The following SLC6A20 variants were observed in gnomAD, a reference collection of about 807,000 sequenced individuals.
SLC6A20 encodes solute carrier family 6 member 20.
Under a neutral mutation model 64.3 loss-of-function variants are expected in SLC6A20, and 73 were observed. That is an observed-to-expected ratio of 1.14 (90% CI 0.94 to 1.38). The LOEUF (loss-of-function observed/expected upper bound fraction) is 1.38, where lower values mean the gene tolerates loss of function less well. Ranked by LOEUF, SLC6A20 falls within the 40% of genes most tolerant of loss-of-function variation. The probability of loss-of-function intolerance (pLI) is 0.00; values close to 1 mark genes in which losing one functional copy is unlikely to be tolerated. For missense variants in SLC6A20, 725 were observed against 772.8 expected, an observed-to-expected ratio of 0.94 and a Z score of 0.73; for synonymous variants, 347 against 329.6, an observed-to-expected ratio of 1.05 and a Z score of -0.57.
intron 7 of SLC6A20, among the ~76,000 whole-genome samples, chr3:45,769,095 T>G (rs1559564135): frequency 6.6e-6 from 1 of 152,190 alleles, no homozygotes; most frequent in Non-Finnish European, 1.5e-5. Context: ...TATTTAGCTT[T>G]CTTTTGCAAC....
rs962075813 is a variant in SLC6A20 at position 45,780,036 on chromosome 3, G to C, written c.327C>G (p.Ala109=). ...SMYYNVINAW[A]FWYLFHSFQD... is the part of the protein sequence containing the mutation. ...GGAAGGAGTGGAAGAGGTACCAGAAGGCCCAGGCGTTGATGACGTTGTAGT... is the reference window on the plus strand; with the variant it reads ...GGAAGGAGTGGAAGAGGTACCAGAACGCCCAGGCGTTGATGACGTTGTAGT... Residue 109 remains alanine, a synonymous_variant, in exon 3 of 11, where the codon GCC becomes GCG. Transcript: ENST00000358525. 1.9e-6 allele frequency: 3 copies of C among 1,605,038 alleles called. No homozygotes were observed. The African/African-American group carries it at 4.0e-5, about 21-fold the overall frequency.
chr3:45,766,600 G>A (rs1699781082), intron 7 of SLC6A20, among the ~76,000 whole-genome samples: 1 of 152,216 alleles, frequency 6.6e-6, no homozygotes, highest in Admixed American at 6.5e-5. Flanking sequence ...CTCCCAATGT[G>A]ACTGTATCTG....
intron 1 of SLC6A20, among the ~76,000 whole-genome samples, chr3:45,785,646 TTCC>T (rs1700158854): frequency 6.9e-6 from 1 of 144,302 alleles, no homozygotes; most frequent in African/African-American, 2.6e-5. Flanking sequence ...TCTCTCTCTC[TTCC>T]CCCTATTAGT....
intron 4 of SLC6A20, among the ~76,000 whole-genome samples, chr3:45,775,024 G>A (rs1278248764): frequency 6.6e-6 from 1 of 152,154 alleles, no homozygotes; most frequent in Non-Finnish European, 1.5e-5. Flanking sequence ...GCTAGGCTCC[G>A]AGACATCTGC....
chr3:45,795,706 G>A (rs1700334834), intron 1 of SLC6A20, among the ~76,000 whole-genome samples: 1 of 152,174 alleles, frequency 6.6e-6, no homozygotes, highest in Non-Finnish European at 1.5e-5. Flanking sequence ...TCCCCGGAGC[G>A]TGCATGATGC....
At chr3:45,787,304 C>A (rs1700185743) in intron 1 of SLC6A20, among the ~76,000 whole-genome samples, 1 of 152,146 alleles carries the variant, frequency 6.6e-6, no homozygotes. Flanking sequence ...AGGATGCTTT[C>A]TCTCTTCTTT....
chr3:45,765,715 G>A lies in SLC6A20; in HGVS notation c.1125C>T (p.Phe375=), dbSNP rs1324893975. 2.5e-6 allele frequency: 4 copies of A among 1,614,100 alleles called. No homozygotes were observed. The highest frequency in any genetic ancestry group is 1.3e-5 in the African/African-American group (1 of 74,934). Residue 375 remains phenylalanine (F), a synonymous_variant, in exon 8 of 11, where the codon TTC becomes TTT. Transcript: ENST00000358525. This position sits in a 1 kb window ranked among gnomAD's most constrained non-coding sequence, Gnocchi z 4.2. ...TTTTAATGGCCTCTGTGTAGACGAT[G>A]AATGCCAGGCCAGTGCCCTGGACGG... ...DTAVQGTGLA[F]IVYTEAIKNM...
At chr3:45,772,217 G>A (rs1056952823) in intron 5 of SLC6A20, 18 of 360,956 alleles carry the variant, frequency 5.0e-5, no homozygotes, top group Non-Finnish European at 9.1e-5. Context: ...GGGGCTTGAG[G>A]TGAGGCAGTG....
At chr3:45,761,231 C>G (rs368274349) in intron 9 of SLC6A20, among the ~76,000 whole-genome samples, 9 of 151,766 alleles carry the variant, frequency 5.9e-5, no homozygotes, top group South Asian at 2.1e-4. Context: ...TAACCCCCCC[C>G]CCTTTCCTGG....
chr3:45,783,700 C>T (rs1167463657), intron 1 of SLC6A20, among the ~76,000 whole-genome samples: 3 of 152,246 alleles, frequency 2.0e-5, no homozygotes, highest in Non-Finnish European at 4.4e-5. Flanking sequence ...ATGGCCACAC[C>T]ACAGAAAGAA....
At position 45,761,223 on chromosome 3, in the gene SLC6A20, A is replaced by ACC. The variant is rs532687890; in HGVS notation, c.1464-1203_1464-1202dup. On this transcript the variant is annotated intron_variant, in intron 9 of 10. Coordinates refer to ENST00000358525, the MANE Select transcript of SLC6A20 (RefSeq NM_020208.4). ...CCTCTTGTCCCTTCACACCCCCATA[A>ACC]CCCCCCCCCCTTTCCTGGATGGAGA... Among the ~76,000 whole-genome samples, 559 of 138,398 alleles carry ACC rather than the reference A, an allele frequency of 4.0e-3. 2 individuals are homozygous for ACC. The highest frequency in any genetic ancestry group is 0.012 in the African/African-American group (444 of 36,438). 90.8% of individuals were successfully genotyped at this position (138,398 alleles called of 152,430 possible).
chr3:45,764,179 T>A (rs1002490877), intron 8 of SLC6A20, among the ~76,000 whole-genome samples: 1 of 152,080 alleles, frequency 6.6e-6, no homozygotes, highest in Non-Finnish European at 1.5e-5. Flanking sequence ...AGTGAAACCA[T>A]GAGAGATGTA....
At chr3:45,763,259 G>C (rs1699717524) in intron 8 of SLC6A20, among the ~76,000 whole-genome samples, 187 bp from the exon 9 acceptor site, 1 of 151,992 alleles carries the variant, frequency 6.6e-6, no homozygotes, top group Admixed American at 6.6e-5. Flanking sequence ...GGGGCAGGGG[G>C]CACAATGGTG....
intron 1 of SLC6A20, among the ~76,000 whole-genome samples, chr3:45,787,803 C>T (rs1349051359): frequency 1.3e-5 from 2 of 152,176 alleles, no homozygotes; most frequent in African/African-American, 4.8e-5. Context: ...TCTCTAGCTC[C>T]TAAGGAAGGA....
At chr3:45,761,226 C>T (rs565582081) in intron 9 of SLC6A20, among the ~76,000 whole-genome samples, 4 of 151,722 alleles carry the variant, frequency 2.6e-5, no homozygotes, top group Admixed American at 1.3e-4. Context: ...CCCCATAACC[C>T]CCCCCCCTTT....
Position 45,758,491 on chromosome 3 carries a change from T to C in SLC6A20, c.*487A>G, listed in dbSNP as rs369269353. On this transcript the variant is annotated 3_prime_UTR_variant, in exon 11 of 11. Coordinates refer to ENST00000358525, the MANE Select transcript of SLC6A20 (RefSeq NM_020208.4). Reference sequence around the variant, plus strand: ...GTGGAAGGGGAACACAGAAATTGCATATTCACTACAACTCAAAAAAGAAGA... The same window carrying C: ...GTGGAAGGGGAACACAGAAATTGCACATTCACTACAACTCAAAAAAGAAGA... The C allele has an allele frequency of 1.6e-6, 2 of 1,226,010 alleles. No individual in the cohort carries two copies. The highest frequency in any genetic ancestry group is 6.4e-5 in the East Asian group (1 of 15,608). The allele number at this position is 1,226,010 out of a possible 1,614,324, so 75.9% of individuals were successfully genotyped here.
chr3:45,796,442 G>A lies in SLC6A20; in HGVS notation c.-23C>T. 1 of 1,603,702 alleles carries A rather than the reference G, an allele frequency of 6.2e-7. No individual in the cohort carries two copies. The highest frequency in any genetic ancestry group is 8.5e-7 in the Non-Finnish European group (1 of 1,175,414). ...CATGGCCCCGGCCTCGGCGCGCTCG[G>A]CTCCGGCTCGGGGGTCCGGCACGGC... On this transcript the variant is annotated 5_prime_UTR_variant, in exon 1 of 11. Transcript: ENST00000358525.
chr3:45,775,971 A>C lies in SLC6A20; in HGVS notation c.372T>G (p.Ser124=). Residue 124 remains serine (S), a synonymous_variant, in exon 4 of 11, where the codon TCT becomes TCG. Transcript: ENST00000358525. ...TGTGGTTACCATTCAGTGGGCAGACAGACCACGGCAGGGGATCCTGTGGGA... is the reference window on the plus strand; with the variant it reads ...TGTGGTTACCATTCAGTGGGCAGACCGACCACGGCAGGGGATCCTGTGGGA... The part of the protein sequence containing the change: ...FHSFQDPLPW[S]VCPLNGNHTG... 1 of 1,614,202 alleles carries C rather than the reference A, an allele frequency of 6.2e-7. No individual in the cohort carries two copies. The highest frequency in any genetic ancestry group is 8.5e-7 in the Non-Finnish European group (1 of 1,180,018).
In SLC6A20 at chr3:45,757,292, A is replaced by C. The variant is rs1699562805; in HGVS notation, c.*1686T>G. ...CCTCCCTCCTTCACTATTCCTCCTC[A>C]GCACCGACCCTTTACAGGTGTCGGG... On this transcript the variant is annotated 3_prime_UTR_variant, in exon 11 of 11. Coordinates refer to ENST00000358525, the MANE Select transcript of SLC6A20 (RefSeq NM_020208.4). 1 of 151,532 alleles carries C rather than the reference A, an allele frequency of 6.6e-6. No individual in the cohort carries two copies. The highest frequency in any genetic ancestry group is 1.5e-5 in the Non-Finnish European group (1 of 68,014). 9.4% of individuals were successfully genotyped at this position (151,532 alleles called of 1,614,324 possible). A position where few individuals can be genotyped will look rare whatever the true frequency, so the allele number is the denominator to read the frequency against.
Sources: gnomAD v4.1 joint callset for allele counts (sites outside exome capture counted in the v4.1 genomes callset) on GRCh38, gnomAD v4.1.1 for gene constraint, Gnocchi (gnomAD v3.1) non-coding constraint, MANE v1.5 for transcripts, NCBI Gene and HGNC (gene_info 2026-07-23, HGNC 2026-07-21) for gene names.